PARD3: variants seen among roughly 807,000 people sequenced by gnomAD.
PARD3 encodes partitioning defective 3 homolog.
In PARD3, 75 loss-of-function variants were observed where a neutral mutation model predicts 155.4. That is an observed-to-expected ratio of 0.48 (90% CI 0.40 to 0.58). The LOEUF is 0.58. Ranked by LOEUF, PARD3 falls within the 20% of genes least tolerant of loss-of-function variation. PARD3 has a pLI of 0.00. For synonymous variants in PARD3, 576 were observed against 610.5 expected (o/e 0.94, Z 0.83); for missense variants, 1,642 against 1,721.7 (o/e 0.95, Z 0.82).
chr10:34,383,018 C>T (rs1842009422), intron 8 of PARD3, 96 bp from the exon 9 acceptor site: 4 of 1,345,812 alleles, frequency 3.0e-6, no homozygotes, highest in Non-Finnish European at 1.0e-6. Context: ...GCAATAAGAA[C>T]TGACAGGCTG....
chr10:34,626,208 A>C (rs146007735), intron 2 of PARD3, among the ~76,000 whole-genome samples: 198 of 152,340 alleles, frequency 1.3e-3, no homozygotes, highest in African/African-American at 4.4e-3. Context: ...CTGGACAGCC[A>C]GGAGTTGGGA....
chr10:34,681,134 A>G (rs2093809646), intron 2 of PARD3, among the ~76,000 whole-genome samples: 1 of 152,188 alleles, frequency 6.6e-6, no homozygotes, highest in African/African-American at 2.4e-5. Flanking sequence ...AGTCTCCATG[A>G]AGTACAGAAA....
intron 22 of PARD3, among the ~76,000 whole-genome samples, chr10:34,223,334 G>C (rs1952414039): frequency 6.6e-6 from 1 of 152,196 alleles, no homozygotes; most frequent in Non-Finnish European, 1.5e-5. Context: ...AACTGAAAAA[G>C]ACATGATGGC....
intron 2 of PARD3, among the ~76,000 whole-genome samples, chr10:34,555,682 T>C (rs946212798): frequency 2.0e-5 from 3 of 152,118 alleles, no homozygotes; most frequent in African/African-American, 7.3e-5. Context: ...TTTAATCCTA[T>C]GTATCTTATA....
chr10:34,278,577 C>A (rs2133902313), intron 21 of PARD3, among the ~76,000 whole-genome samples: 1 of 152,106 alleles, frequency 6.6e-6, no homozygotes, highest in South Asian at 2.1e-4. Flanking sequence ...TGACTTAGAT[C>A]TCACAAAATC....
chr10:34,799,042 A>G (rs1022614491), intron 1 of PARD3, among the ~76,000 whole-genome samples: 1 of 152,124 alleles, frequency 6.6e-6, no homozygotes, highest in African/African-American at 2.4e-5. Flanking sequence ...TTTGCTGCCA[A>G]GGTTAAGAGC....
At chr10:34,348,248 G>C (rs1837634178) in intron 14 of PARD3, 133 bp from the exon 15 acceptor site, 1 of 651,658 alleles carries the variant, frequency 1.5e-6, no homozygotes, top group African/African-American at 1.8e-5. Flanking sequence ...TTTTCACCCT[G>C]TACCAAAATA....
At chr10:34,432,059 A>AAAG in intron 5 of PARD3, among the ~76,000 whole-genome samples, 1 of 147,944 alleles carries the variant, frequency 6.8e-6, no homozygotes, top group Non-Finnish European at 1.5e-5. Flanking sequence ...AAAAAAAAAA[A>AAAG]AAAAAAAAAA....
chr10:34,519,679 T>C (rs562081441), intron 2 of PARD3, among the ~76,000 whole-genome samples: 96 of 151,902 alleles, frequency 6.3e-4, no homozygotes, highest in Non-Finnish European at 1.2e-3. Context: ...CCAGGTGTGG[T>C]GGCACGCTTC....
At chr10:34,366,739 T>C (rs1840003211) in intron 12 of PARD3, among the ~76,000 whole-genome samples, 1 of 152,194 alleles carries the variant, frequency 6.6e-6, no homozygotes, top group Non-Finnish European at 1.5e-5. Context: ...GAAATTATCA[T>C]GGTTTTAAAA....
intron 5 of PARD3, among the ~76,000 whole-genome samples, chr10:34,449,427 A>G (rs931219918): frequency 4.1e-5 from 6 of 147,350 alleles, no homozygotes; most frequent in Non-Finnish European, 9.0e-5. Flanking sequence ...ATTAAAAAAA[A>G]AACACTGAAA....
chr10:34,406,299 T>C (rs1171711845), intron 5 of PARD3, among the ~76,000 whole-genome samples: 2 of 152,292 alleles, frequency 1.3e-5, no homozygotes, highest in East Asian at 3.9e-4. Flanking sequence ...TGCAAAGAGA[T>C]CTTTATCTCC....
intron 1 of PARD3, among the ~76,000 whole-genome samples, chr10:34,765,671 CAA>C (rs112970917): frequency 1.5e-5 from 2 of 136,028 alleles, no homozygotes; most frequent in Non-Finnish European, 1.6e-5. Context: ...GAGTAAGACT[CAA>C]AAAAAAAAAA....
At chr10:34,463,998 G>A (rs1036590405) in intron 4 of PARD3, among the ~76,000 whole-genome samples, 3 of 151,988 alleles carry the variant, frequency 2.0e-5, no homozygotes, top group Admixed American at 6.6e-5. Flanking sequence ...GGATGAAATC[G>A]CCTAACAATG....
At chr10:34,275,069 T>C (rs568186391) in intron 21 of PARD3, among the ~76,000 whole-genome samples, 1 of 152,170 alleles carries the variant, frequency 6.6e-6, no homozygotes, top group Non-Finnish European at 1.5e-5. Context: ...AAAGCCCAGA[T>C]CTCAGCTGCC....
At chr10:34,632,998 C>T (rs1308579008) in intron 2 of PARD3, among the ~76,000 whole-genome samples, 1 of 152,238 alleles carries the variant, frequency 6.6e-6, no homozygotes, top group African/African-American at 2.4e-5. Context: ...CTTTCACCCC[C>T]AGGGGCTCGC....
chr10:34,445,393 C>A (rs1226495855), intron 5 of PARD3, among the ~76,000 whole-genome samples: 1 of 152,198 alleles, frequency 6.6e-6, no homozygotes, highest in East Asian at 1.9e-4. Context: ...AATTATTCTG[C>A]TGGATGTGAA....
intron 1 of PARD3, among the ~76,000 whole-genome samples, chr10:34,741,376 A>G (rs1055676150): frequency 1.4e-4 from 21 of 151,886 alleles, no homozygotes; most frequent in African/African-American, 4.6e-4. Flanking sequence ...GTAGTGGTAC[A>G]GTCTCACTAT....
intron 1 of PARD3, among the ~76,000 whole-genome samples, chr10:34,717,195 G>T (rs1022850152): frequency 6.6e-6 from 1 of 152,092 alleles, no homozygotes; most frequent in Non-Finnish European, 1.5e-5. Context: ...TGACTCTGTG[G>T]TTAAGTGGCC....
Sources: gnomAD v4.1 joint callset for allele counts (sites outside exome capture counted in the v4.1 genomes callset) on GRCh38, gnomAD v4.1.1 for gene constraint, MANE v1.5 for transcripts, NCBI Gene and HGNC (gene_info 2026-07-23, HGNC 2026-07-21) for gene names.